The following STPG2 variants were observed in gnomAD, a reference collection of about 807,000 sequenced individuals.
The protein encoded by STPG2 is sperm tail PG-rich repeat containing 2.
STPG2 carries 56 observed loss-of-function variants against 54.2 expected under a neutral mutation model. That is an observed-to-expected ratio of 1.03 (90% confidence interval 0.83 to 1.29). STPG2 has a LOEUF of 1.29. Ranked by LOEUF, STPG2 falls within the 50% of genes most tolerant of loss-of-function variation. STPG2 has a pLI of 0.00. For synonymous variants in STPG2, 200 were observed against 181.8 expected (o/e 1.10, Z -0.81); for missense variants, 596 against 544.9 (o/e 1.09, Z -0.93).
chr4:97,501,645 G>A (rs572364958), intron 4 of STPG2, among the ~76,000 whole-genome samples: 8 of 151,670 alleles, frequency 5.3e-5, no homozygotes, highest in African/African-American at 1.7e-4. Flanking sequence ...CAGTGAGTTC[G>A]AGATCGTGCC....
chr4:97,887,793 A>T (rs933141386), intron 8 of STPG2, among the ~76,000 whole-genome samples: 1 of 152,208 alleles, frequency 6.6e-6, no homozygotes, highest in Non-Finnish European at 1.5e-5. Flanking sequence ...TTTCAGAGAC[A>T]TTTGGGGCAG....
intron 10 of STPG2, among the ~76,000 whole-genome samples, chr4:97,695,547 A>T (rs1723541706): frequency 6.6e-6 from 1 of 152,158 alleles, no homozygotes; most frequent in Non-Finnish European, 1.5e-5. Flanking sequence ...GGTAAAGAGG[A>T]AGTCAAATTG....
intron 9 of STPG2, among the ~76,000 whole-genome samples, chr4:97,808,601 A>G (rs975544604): frequency 6.6e-6 from 1 of 151,568 alleles, no homozygotes; most frequent in Admixed American, 6.6e-5. Context: ...TCAGTGGAAG[A>G]TTTAAACCCA....
rs1177051621 is a variant in STPG2, at chr4:98,128,521, A to G, written c.294T>C (p.Tyr98=). ...TGCCATCATCATTAATATGATAACCATATGACTTTCCACAAGAAGGAATTG... is the reference window on the plus strand; with the variant it reads ...TGCCATCATCATTAATATGATAACCGTATGACTTTCCACAAGAAGGAATTG... ...VPSIPSCGKS[Y]GYHINDDGSI... The change falls in exon 3 of 11, where the codon TAT becomes TAC. Residue 98 remains tyrosine, a synonymous_variant. Coordinates refer to ENST00000295268, the MANE Select transcript of STPG2 (RefSeq NM_174952.3). The G allele has an allele frequency of 1.2e-6, 2 of 1,613,236 alleles. No homozygotes were observed. Among genetic ancestry groups the G allele is most frequent in the Non-Finnish European group, 1.7e-6 (2 of 1,179,726 alleles).
intron 9 of STPG2, among the ~76,000 whole-genome samples, chr4:97,833,671 A>T (rs1328068330): frequency 3.3e-5 from 5 of 152,162 alleles, no homozygotes; most frequent in Non-Finnish European, 7.3e-5. Context: ...AAAAAAAAAT[A>T]ACCCCATCAA....
At chr4:98,103,554 T>G (rs1739106143) in intron 5 of STPG2, among the ~76,000 whole-genome samples, 1 of 151,848 alleles carries the variant, frequency 6.6e-6, no homozygotes, top group South Asian at 2.1e-4. Context: ...GGCAGCAGAA[T>G]CGCTTGAACC....
In STPG2 at chr4:97,736,939, A is replaced by T. The variant is rs181200005; in HGVS notation, c.1205-24125T>A. ...GGTCCCTGACCCCTGACCCCCCAGC[A>T]GCCTAACAGGGAGGCACCCCCCAGT... is the stretch of plus-strand genomic sequence containing the variant. On this transcript the variant is annotated intron_variant, in intron 9 of 10. Coordinates refer to ENST00000295268, the MANE Select transcript of STPG2 (RefSeq NM_174952.3). Among the ~76,000 whole-genome samples the T allele has an allele frequency of 4.2e-3, 640 of 152,292 alleles. 3 individuals are homozygous for T. Among genetic ancestry groups the T allele is most frequent in the South Asian group, 0.024 (116 of 4,828 alleles).
At chr4:97,643,627 T>G (rs1721824463) in intron 10 of STPG2, among the ~76,000 whole-genome samples, 1 of 151,814 alleles carries the variant, frequency 6.6e-6, no homozygotes, top group South Asian at 2.1e-4. Context: ...AGGCTATATA[T>G]CCAGACATAC....
intron 5 of STPG2, among the ~76,000 whole-genome samples, chr4:98,049,195 G>A (rs560501104): frequency 6.6e-6 from 1 of 152,194 alleles, no homozygotes; most frequent in African/African-American, 2.4e-5. Flanking sequence ...TGCTAAATAA[G>A]AATTAAATTT....
chr4:97,476,618 A>C (rs1335577958), intron 4 of STPG2, among the ~76,000 whole-genome samples: 2 of 152,200 alleles, frequency 1.3e-5, no homozygotes, highest in Non-Finnish European at 2.9e-5. Flanking sequence ...TTAGTGTTTT[A>C]ACATTTAATA....
chr4:97,532,623 T>C (rs1260515323), intron 4 of STPG2, among the ~76,000 whole-genome samples: 3 of 152,162 alleles, frequency 2.0e-5, no homozygotes, highest in Non-Finnish European at 4.4e-5. Context: ...ATTAACTGTA[T>C]TCATGGCGGT....
intron 9 of STPG2, among the ~76,000 whole-genome samples, chr4:97,734,037 A>G (rs373324332): frequency 5.3e-5 from 8 of 152,210 alleles, no homozygotes; most frequent in African/African-American, 1.9e-4. Context: ...AATTTCCAGC[A>G]CTATACTGAT....
intron 8 of STPG2, among the ~76,000 whole-genome samples, chr4:97,905,648 G>A (rs990853138): frequency 2.0e-5 from 3 of 152,090 alleles, no homozygotes; most frequent in African/African-American, 4.8e-5. Flanking sequence ...TCCATTAAAA[G>A]ACACAGACTG....
At chr4:98,091,610 G>A (rs1738687627) in intron 5 of STPG2, among the ~76,000 whole-genome samples, 1 of 151,976 alleles carries the variant, frequency 6.6e-6, no homozygotes, top group Non-Finnish European at 1.5e-5. Context: ...ATCTTCCATT[G>A]AGGAATGTGA....
intron 5 of STPG2, among the ~76,000 whole-genome samples, chr4:98,042,408 G>A (rs1358873533): frequency 2.0e-5 from 3 of 151,708 alleles, no homozygotes; most frequent in East Asian, 3.9e-4. Flanking sequence ...CTCATAAGGT[G>A]TAACAGTAGG....
chr4:97,464,532 T>C lies in STPG2; in HGVS notation c.462+248167A>G, dbSNP rs533190110. Among the ~76,000 whole-genome samples, 282 of 152,236 alleles carry C rather than the reference T, an allele frequency of 1.9e-3. 6 individuals carry two copies. The highest frequency in any genetic ancestry group is 3.1e-4 in the Non-Finnish European group (21 of 68,014). ...CCTGGGTTTAAGCAATTCTCCTGCC[T>C]CAGCCTCCCAAGTAGCTGGAATTAC... On this transcript the variant is annotated intron_variant, in intron 4 of 4. Coordinates refer to the STPG2 transcript ENST00000522676.
chr4:97,496,397 T>C (rs1730612168), intron 4 of STPG2, among the ~76,000 whole-genome samples: 6 of 151,712 alleles, frequency 4.0e-5, no homozygotes. Flanking sequence ...CCAAGACACA[T>C]GCTGAACTCA....
intron 4 of STPG2, among the ~76,000 whole-genome samples, chr4:97,473,180 G>A (rs1006577584): frequency 2.0e-5 from 3 of 152,040 alleles, no homozygotes; most frequent in Non-Finnish European, 2.9e-5. Context: ...TGGGCACCTT[G>A]AAAAAAGAAC....
chr4:97,459,446 T>G (rs974041784), intron 4 of STPG2, among the ~76,000 whole-genome samples: 15 of 148,994 alleles, frequency 1.0e-4, no homozygotes, highest in Admixed American at 2.0e-4. Context: ...TTTTGTTTTT[T>G]TTTTTTTTTT....
Sources: allele counts gnomAD v4.1 joint callset (sites outside exome capture counted in the v4.1 genomes callset), GRCh38; gene constraint gnomAD v4.1.1; transcripts MANE v1.5; gene names NCBI Gene and HGNC (gene_info 2026-07-23, HGNC 2026-07-21).